Variants in GPHN observed in about 807,000 individuals in gnomAD.
GPHN encodes gephyrin.
A neutral mutation model predicts 95.5 loss-of-function variants in GPHN; 17 were observed. That is an observed-to-expected ratio of 0.18 (90% CI 0.12 to 0.27). The LOEUF (loss-of-function observed/expected upper bound fraction) is 0.27. GPHN is among the 10% of genes least tolerant of loss of function. The probability of loss-of-function intolerance (pLI) is 1.00; values close to 1 mark genes in which losing one functional copy is unlikely to be tolerated. For synonymous variants in GPHN, 320 were observed against 322.5 expected, an observed-to-expected ratio of 0.99 and a Z score of 0.08; for missense variants, 660 against 978.1, an observed-to-expected ratio of 0.67 and a Z score of 4.34.
the GPHN span, among the ~76,000 whole-genome samples, chr14:67,557,861 G>A: frequency 2.5e-4 from 38 of 152,188 alleles, no homozygotes; most frequent in Admixed American, 7.9e-4. Flanking sequence ...TGGCCTTGTC[G>A]TGCCCTGCCA....
At chr14:66,726,214 T>A (rs1047398137) in intron 2 of GPHN, among the ~76,000 whole-genome samples, 2 of 152,256 alleles carry the variant, frequency 1.3e-5, no homozygotes, top group Admixed American at 6.5e-5. Context: ...TATAAACATG[T>A]ACTACTGTAC....
intron 2 of GPHN, among the ~76,000 whole-genome samples, chr14:66,702,496 A>G (rs1325811355): frequency 1.9e-4 from 29 of 152,160 alleles, no homozygotes; most frequent in Admixed American, 1.6e-3. Flanking sequence ...CAGATGTGAG[A>G]GCGAACCAAA....
At chr14:66,810,422 A>AT (rs1458691457) in intron 3 of GPHN, among the ~76,000 whole-genome samples, 1 of 151,754 alleles carries the variant, frequency 6.6e-6, no homozygotes, top group Non-Finnish European at 1.5e-5. Flanking sequence ...AATATATATT[A>AT]TCCATGTCTA....
chr14:67,073,966 G>A (rs1324922774), intron 11 of GPHN, among the ~76,000 whole-genome samples: 1 of 151,988 alleles, frequency 6.6e-6, no homozygotes, highest in Admixed American at 6.6e-5. Context: ...TTCACTCTAC[G>A]AATATATAAA....
At chr14:67,279,696 T>G in the GPHN span, 2 of 625,592 alleles carry the variant, frequency 3.2e-6, no homozygotes, top group Non-Finnish European at 5.1e-6. Context: ...GTATAACTAT[T>G]GTTTACTGTT....
chr14:66,914,095 G>T (rs2065799417), intron 5 of GPHN, among the ~76,000 whole-genome samples: 1 of 151,990 alleles, frequency 6.6e-6, no homozygotes, highest in Non-Finnish European at 1.5e-5. Flanking sequence ...TAATCTCCTG[G>T]CTGTATAGAA....
intron 2 of GPHN, among the ~76,000 whole-genome samples, chr14:66,726,677 C>G (rs1311479383): frequency 6.6e-6 from 1 of 152,110 alleles, no homozygotes; most frequent in East Asian, 1.9e-4. Context: ...ATAACAAAGT[C>G]TGTATTTGCA....
intron 1 of GPHN, among the ~76,000 whole-genome samples, chr14:66,609,215 G>A (rs992679835): frequency 2.6e-5 from 4 of 152,012 alleles, no homozygotes; most frequent in Non-Finnish European, 5.9e-5. Flanking sequence ...TTACTTTGGT[G>A]GGATATGAAA....
chr14:67,333,223 G>C, the GPHN span: 1 of 301,872 alleles, frequency 3.3e-6, no homozygotes, highest in Non-Finnish European at 6.1e-6. Context: ...ATTCCATTTT[G>C]TCCTGTTAAA....
chr14:66,808,901 G>A (rs1260856748), intron 3 of GPHN, among the ~76,000 whole-genome samples: 1 of 152,212 alleles, frequency 6.6e-6, no homozygotes, highest in East Asian at 1.9e-4. Context: ...TGGAGAACAT[G>A]ATGGGAAGGA....
At chr14:66,671,867 T>A (rs2066322058) in intron 1 of GPHN, among the ~76,000 whole-genome samples, 1 of 152,080 alleles carries the variant, frequency 6.6e-6, no homozygotes. Flanking sequence ...TGGCGAGAGG[T>A]GTATTGATTT....
chr14:67,204,576 T>C, the GPHN span: 69,177 of 1,613,528 alleles, frequency 0.043, 1,640 homozygotes, highest in African/African-American at 0.054. Flanking sequence ...CTGTGCATGA[T>C]GCGGAGAACA....
At chr14:67,332,710 ATC>A in the GPHN span, 1 of 1,472,522 alleles carries the variant, frequency 6.8e-7, no homozygotes, top group Non-Finnish European at 9.2e-7. Flanking sequence ...TTCTTTGGCC[ATC>A]TCTGACTCAT....
At chr14:67,133,546 G>A (rs556847636) in intron 17 of GPHN, among the ~76,000 whole-genome samples, 1 of 152,130 alleles carries the variant, frequency 6.6e-6, no homozygotes, top group South Asian at 2.1e-4. Flanking sequence ...GTAATTTGAG[G>A]CAGATGTAAA....
chr14:66,689,721 T>G (rs1450198545), intron 2 of GPHN, among the ~76,000 whole-genome samples: 1 of 152,154 alleles, frequency 6.6e-6, no homozygotes, highest in Non-Finnish European at 1.5e-5. Context: ...TAATTTTCAA[T>G]TGGTTTGTTG....
At chr14:67,280,857 C>CCTTCCTTCCA in the GPHN span, among the ~76,000 whole-genome samples, 1 of 53,260 alleles carries the variant, frequency 1.9e-5, no homozygotes. Context: ...CCTTCCTTCC[C>CCTTCCTTCCA]TCCCTCCCTC....
At chr14:66,703,531 A>T (rs10138999) in intron 2 of GPHN, among the ~76,000 whole-genome samples, 47,309 of 152,082 alleles carry the variant, frequency 0.31, 11,200 homozygotes, top group African/African-American at 0.64. Context: ...AGAATTTCAT[A>T]TCTAGCCAAA....
chr14:67,533,228 T>C, the GPHN span: 1 of 150,586 alleles, frequency 6.6e-6, no homozygotes, highest in Non-Finnish European at 1.5e-5. Context: ...CGGGCACCCC[T>C]CCCGCTCCAG....
the GPHN span, among the ~76,000 whole-genome samples, chr14:67,576,741 A>C: frequency 8.5e-5 from 13 of 152,092 alleles, no homozygotes; most frequent in East Asian, 1.3e-3. This position sits in a 1 kb window ranked among gnomAD's most constrained non-coding sequence, Gnocchi z 4.0. Flanking sequence ...GACCTGGGTA[A>C]ATGTTTTACT....
Sources: allele counts gnomAD v4.1 joint callset (sites outside exome capture counted in the v4.1 genomes callset), GRCh38; gene constraint gnomAD v4.1.1; non-coding constraint Gnocchi (gnomAD v3.1); transcripts MANE v1.5; gene names NCBI Gene and HGNC (gene_info 2026-07-23, HGNC 2026-07-21).